The following SNX16 variants were observed in gnomAD, a reference collection of about 807,000 sequenced individuals.
SNX16 encodes the protein sorting nexin 16.
SNX16 carries 35 observed loss-of-function variants against 36.7 expected under a neutral mutation model. The ratio of observed to expected loss-of-function variants is 0.95; its 90% CI spans 0.73 to 1.27. The LOEUF is 1.27. Ranked by LOEUF, SNX16 falls within the 50% of genes most tolerant of loss-of-function variation. The probability of loss-of-function intolerance (pLI) is 0.00; values close to 1 mark genes in which losing one functional copy is unlikely to be tolerated. For missense variants in SNX16, 367 were observed against 393.6 expected (o/e 0.93, Z 0.57); for synonymous variants, 134 against 132.0 (o/e 1.02, Z -0.10).
chr8:81,840,184 G>A, intron 1 of SNX16, 102 bp from the exon 2 acceptor site: 1 of 580,154 alleles, frequency 1.7e-6, no homozygotes, highest in Non-Finnish European at 2.8e-6. Flanking sequence ...ATTTTATTTG[G>A]AATGAAAACA....
At chr8:81,807,518 C>CAAAAAAAAAAA (rs71268027) in intron 5 of SNX16, among the ~76,000 whole-genome samples, 16 of 49,326 alleles carry the variant, frequency 3.2e-4, no homozygotes, top group Non-Finnish European at 3.8e-4. Flanking sequence ...GACTCTGTCT[C>CAAAAAAAAAAA]AAAAAAAAAA....
chr8:81,834,939 T>A (rs1811427497), intron 2 of SNX16, among the ~76,000 whole-genome samples: 1 of 152,230 alleles, frequency 6.6e-6, no homozygotes, highest in South Asian at 2.1e-4. Context: ...GTAGGGACTC[T>A]GTATGGGGCT....
intron 1 of SNX16, 129 bp from the exon 2 acceptor site, chr8:81,840,211 T>C (rs1355997219): frequency 4.5e-6 from 2 of 444,938 alleles, no homozygotes; most frequent in Non-Finnish European, 7.7e-6. Flanking sequence ...AAACCCCTTC[T>C]CCCAGTTGTC....
intron 2 of SNX16, among the ~76,000 whole-genome samples, chr8:81,835,042 T>A (rs1327492120): frequency 6.6e-6 from 1 of 152,228 alleles, no homozygotes; most frequent in African/African-American, 2.4e-5. Context: ...CATCCAGGCA[T>A]TTCCATACAT....
intron 5 of SNX16, among the ~76,000 whole-genome samples, chr8:81,806,389 C>T (rs1809946498): frequency 6.6e-6 from 1 of 152,082 alleles, no homozygotes; most frequent in South Asian, 2.1e-4. Context: ...TAATTTACCA[C>T]ACCAATAGAT....
At chr8:81,815,470 G>T in intron 4 of SNX16, 76 bp from the exon 5 acceptor site, 1 of 1,203,244 alleles carries the variant, frequency 8.3e-7, no homozygotes, top group Non-Finnish European at 1.2e-6. Flanking sequence ...AAGTTACTTT[G>T]AAGCTGTACA....
At chr8:81,802,801 T>A (rs1043319141) in intron 6 of SNX16, among the ~76,000 whole-genome samples, 3 of 151,840 alleles carry the variant, frequency 2.0e-5, no homozygotes, top group Non-Finnish European at 3.0e-5. Context: ...GGTATTCCAT[T>A]TAATAATGAT....
Position 81,823,875 on chromosome 8 carries a change from G to A in SNX16, c.528C>T (p.Tyr176=), listed in dbSNP as rs757635628. Residue 176 remains tyrosine (Y), a synonymous_variant, in exon 4 of 8, where the codon TAC becomes TAT. Transcript: ENST00000345957. ...LPPKRWFKDN[Y]NADFLEDRQL... is the part of the protein sequence containing the mutation. Reference sequence around the variant, plus strand: ...GTCTGTCTTCTAAAAAGTCAGCATTGTAATTATCTTTAAACCAGCGTTTTG... The same window carrying A: ...GTCTGTCTTCTAAAAAGTCAGCATTATAATTATCTTTAAACCAGCGTTTTG... 6.2e-7 allele frequency: 1 copy of A among 1,612,018 alleles called. No homozygotes were observed.
intron 2 of SNX16, among the ~76,000 whole-genome samples, chr8:81,830,335 C>G (rs1166268264): frequency 6.6e-6 from 1 of 151,820 alleles, no homozygotes; most frequent in Non-Finnish European, 1.5e-5. Context: ...TTTGGGAGGC[C>G]GAGGTGGGCG....
intron 5 of SNX16, chr8:81,808,386 T>C (rs1217587757): frequency 1.4e-5 from 18 of 1,274,680 alleles, no homozygotes; most frequent in Middle Eastern, 5.2e-4. Flanking sequence ...TGGTGGTGGT[T>C]GTGGAGGTGT....
chr8:81,808,288 C>A, intron 5 of SNX16: 1 of 1,155,320 alleles, frequency 8.7e-7, no homozygotes, highest in Non-Finnish European at 1.3e-6. Context: ...CATGAATGGC[C>A]ACAACTGTGA....
In SNX16 at chr8:81,800,656, C is replaced by A. The variant is rs576628829; in HGVS notation, c.*841G>T. 2.0e-5 allele frequency: 3 copies of A among 152,188 alleles called. No homozygotes were observed. Among genetic ancestry groups the A allele is most frequent in the African/African-American group, 7.2e-5 (3 of 41,524 alleles). 9.4% of individuals were successfully genotyped at this position (152,188 alleles called of 1,614,324 possible). ...GTTAGGAACTTTGCAGTATATATGG[C>A]TTTTTATTTTCTTTTTTGTATAAGC... On this transcript the variant is annotated 3_prime_UTR_variant, in exon 8 of 8. Transcript: ENST00000345957.
At chr8:81,821,034 T>C (rs1810719129) in intron 4 of SNX16, among the ~76,000 whole-genome samples, 1 of 151,020 alleles carries the variant, frequency 6.6e-6, no homozygotes, top group Non-Finnish European at 1.5e-5. Flanking sequence ...CTGCTTTTAA[T>C]TGAATTGAGG....
chr8:81,807,545 AAAG>A (rs1810021179), intron 5 of SNX16, among the ~76,000 whole-genome samples: 1 of 139,588 alleles, frequency 7.2e-6, no homozygotes, highest in African/African-American at 2.7e-5. Flanking sequence ...AAAAAAAAAA[AAAG>A]AACTGAATGA....
intron 5 of SNX16, among the ~76,000 whole-genome samples, chr8:81,807,390 G>C (rs562570416): frequency 7.9e-5 from 12 of 151,372 alleles, no homozygotes; most frequent in African/African-American, 2.4e-4. Context: ...GTGGTGGTGC[G>C]TGCCTGTAAT....
At chr8:81,805,701 C>T (rs1166066415) in intron 5 of SNX16, among the ~76,000 whole-genome samples, 1 of 152,234 alleles carries the variant, frequency 6.6e-6, no homozygotes, top group East Asian at 1.9e-4. Context: ...GGGCAGATCA[C>T]GAGGTCAGGA....
At chr8:81,810,634 G>A (rs142786953) in intron 5 of SNX16, among the ~76,000 whole-genome samples, 370 of 152,262 alleles carry the variant, frequency 2.4e-3, no homozygotes, top group African/African-American at 8.6e-3. Context: ...TTACTCTGTT[G>A]AGTGTATAAA....
chr8:81,805,019 T>A (rs1030072425), intron 5 of SNX16, among the ~76,000 whole-genome samples: 1 of 140,368 alleles, frequency 7.1e-6, no homozygotes, highest in African/African-American at 2.5e-5. Flanking sequence ...TACAAATTAG[T>A]AAGTTTGATA....
intron 4 of SNX16, 24 bp downstream of exon 4, chr8:81,823,768 C>G: frequency 6.4e-7 from 1 of 1,560,354 alleles, no homozygotes; most frequent in South Asian, 1.2e-5. Flanking sequence ...CTTTTATAAT[C>G]TCTTATTTCA....
Sources: allele counts gnomAD v4.1 joint callset (sites outside exome capture counted in the v4.1 genomes callset), GRCh38; gene constraint gnomAD v4.1.1; transcripts MANE v1.5; gene names NCBI Gene and HGNC (gene_info 2026-07-23, HGNC 2026-07-21).